Variants in ZFP64 observed in about 807,000 individuals in gnomAD.
The protein encoded by ZFP64 is ZFP64 zinc finger protein, also known as zinc finger protein 64.
ZFP64 carries 14 observed loss-of-function variants against 51.6 expected under a neutral mutation model. The ratio of observed to expected loss-of-function variants is 0.27; its 90% CI spans 0.18 to 0.42. ZFP64 has a LOEUF of 0.42. ZFP64 is among the 10% of genes least tolerant of loss of function. The pLI, the probability that ZFP64 is intolerant of heterozygous loss-of-function variation, is 1.00. For synonymous variants in ZFP64, 375 were observed against 361.4 expected, an observed-to-expected ratio of 1.04 and a Z score of -0.43; for missense variants, 754 against 906.8, an observed-to-expected ratio of 0.83 and a Z score of 2.16.
chr20:52,084,272 C>G (rs1251809078), exon 9 of ZFP64: 1 of 431,228 alleles, frequency 2.3e-6, no homozygotes, highest in Admixed American at 4.0e-5. Context: ...AAGCTATCCC[C>G]ATTGGATAGA....
intron 5 of ZFP64, chr20:52,111,135 G>A: frequency 4.1e-6 from 3 of 731,018 alleles, no homozygotes; most frequent in Non-Finnish European, 7.3e-6. Flanking sequence ...CAGCCACATC[G>A]CCGGGTTCCG....
rs57972458 is a variant in ZFP64 at position 52,182,388 on chromosome 20, G to A, written c.286+4444C>T. On this transcript the variant is annotated intron_variant, in intron 2 of 5. Transcript: ENST00000216923. Reference sequence around the variant, plus strand: ...GGCAAGATCCAATGGTCGCAGGGCCGTGTAAATGCTAAGAGGAGGGTGAAC... The same window carrying A: ...GGCAAGATCCAATGGTCGCAGGGCCATGTAAATGCTAAGAGGAGGGTGAAC... 4.1e-3 allele frequency among the ~76,000 whole-genome samples: 625 copies of A among 152,278 alleles called. 2 individuals are homozygous for A. Among genetic ancestry groups the A allele is most frequent in the African/African-American group, 0.014 (583 of 41,550 alleles).
chr20:52,105,221 T>G (rs1434278700), intron 5 of ZFP64: 2 of 1,359,534 alleles, frequency 1.5e-6, no homozygotes, highest in African/African-American at 3.0e-5. Context: ...GGGCTTGGCC[T>G]GCTTGCGCCG....
intron 2 of ZFP64, among the ~76,000 whole-genome samples, chr20:52,167,581 C>T (rs1202497545): frequency 7.1e-6 from 1 of 141,290 alleles, no homozygotes; most frequent in African/African-American, 2.6e-5. Flanking sequence ...TTCTTTCCTT[C>T]CTCTCCTCCT....
At chr20:52,134,083 A>G (rs1217697525) in intron 5 of ZFP64, among the ~76,000 whole-genome samples, 5 of 151,590 alleles carry the variant, frequency 3.3e-5, no homozygotes, top group Admixed American at 3.3e-4. Context: ...AGGAAATCAC[A>G]CACTCACCCC....
At chr20:52,111,178 C>T (rs1978551651) in intron 5 of ZFP64, 8 of 617,766 alleles carry the variant, frequency 1.3e-5, no homozygotes, top group East Asian at 5.5e-5. Flanking sequence ...TAGTGGAGAA[C>T]GCCCCAAGTC....
At chr20:52,095,939 G>A (rs181338830) in intron 7 of ZFP64, among the ~76,000 whole-genome samples, 9 of 152,266 alleles carry the variant, frequency 5.9e-5, no homozygotes, top group African/African-American at 1.9e-4. Context: ...GAGCTGCCTC[G>A]TCTTTCCTCA....
intron 6 of ZFP64, chr20:52,098,390 T>G: frequency 6.2e-7 from 1 of 1,602,326 alleles, no homozygotes; most frequent in South Asian, 1.1e-5. Context: ...GGCTTGCAGA[T>G]CAGTGCTTGG....
At chr20:52,137,536 A>G (rs1454720122) in intron 5 of ZFP64, among the ~76,000 whole-genome samples, 1 of 152,192 alleles carries the variant, frequency 6.6e-6, no homozygotes, top group Non-Finnish European at 1.5e-5. Context: ...ACTCCAACCA[A>G]ATGAAAATGA....
chr20:52,119,822 T>C (rs1392752378), intron 5 of ZFP64, among the ~76,000 whole-genome samples: 2 of 151,950 alleles, frequency 1.3e-5, no homozygotes, highest in Admixed American at 6.6e-5. Context: ...TGAGAAACCT[T>C]AGTCTGACTA....
At chr20:52,162,513 GCTA>G (rs1023365861) in intron 4 of ZFP64, among the ~76,000 whole-genome samples, 3 of 151,840 alleles carry the variant, frequency 2.0e-5, no homozygotes, top group African/African-American at 7.3e-5. Context: ...TGTAGTCCCA[GCTA>G]CTCGGGAGAA....
chr20:52,088,296 C>T (rs2122699748), intron 8 of ZFP64: 1 of 1,537,622 alleles, frequency 6.5e-7, no homozygotes, highest in South Asian at 1.2e-5. Context: ...ACTTCTACCA[C>T]ACCAAGTCAT....
intron 7 of ZFP64, among the ~76,000 whole-genome samples, chr20:52,093,459 G>C (rs541606836): frequency 6.6e-6 from 1 of 152,112 alleles, no homozygotes; most frequent in Non-Finnish European, 1.5e-5. Context: ...TTTTTATCTG[G>C]GGTCTGTGTA....
intron 5 of ZFP64, among the ~76,000 whole-genome samples, chr20:52,126,960 T>C (rs1979476514): frequency 7.0e-6 from 1 of 142,404 alleles, no homozygotes; most frequent in Non-Finnish European, 1.5e-5. Context: ...TTGTCAGAAT[T>C]TTTTTTTTTT....
chr20:52,130,196 G>T (rs1335090971), intron 5 of ZFP64, among the ~76,000 whole-genome samples: 1 of 151,424 alleles, frequency 6.6e-6, no homozygotes. Context: ...CACTGTATAT[G>T]GTGCCTACAA....
Position 52,152,864 on chromosome 20 carries a change from T to C in ZFP64, c.1328A>G (p.His443Arg). ...ACTGTACTCACTGTGCTGTCTCTTG[T>C]GGCTGCGGAGCGAGTCCTCCCGCAT... ...SFMREDSLRS[H>R]KRQHSEYSES... Residue 443 changes from histidine to arginine, a missense_variant, in exon 6 of 6, where the codon CAC (histidine) becomes CGC (arginine). His to Arg is a conservative substitution (Grantham distance 29). Transcript: ENST00000216923. 1 of 1,614,148 alleles carries C rather than the reference T, an allele frequency of 6.2e-7. No homozygotes were observed. The highest frequency in any genetic ancestry group is 8.5e-7 in the Non-Finnish European group (1 of 1,180,020).
intron 3 of ZFP64, chr20:52,165,660 A>C (rs1235747082): frequency 1.3e-6 from 1 of 754,124 alleles, no homozygotes; most frequent in African/African-American, 1.8e-5. Context: ...TGGCTAGAAA[A>C]GTCTTAGAAC....
chr20:52,142,517 G>T (rs1233982223), intron 5 of ZFP64, among the ~76,000 whole-genome samples: 1 of 151,682 alleles, frequency 6.6e-6, no homozygotes, highest in African/African-American at 2.4e-5. Flanking sequence ...AAAACTGCAT[G>T]CACTTGTATC....
intron 1 of ZFP64, among the ~76,000 whole-genome samples, chr20:52,188,608 C>CACCCGGCCG (rs201836015): frequency 0.023 from 3,495 of 151,744 alleles, 131 homozygotes; most frequent in African/African-American, 0.08. Flanking sequence ...TGAGCCACCG[C>CACCCGGCCG]ACCCGGCCGA....
Sources: allele counts gnomAD v4.1 joint callset (sites outside exome capture counted in the v4.1 genomes callset), GRCh38; gene constraint gnomAD v4.1.1; transcripts MANE v1.5; gene names NCBI Gene and HGNC (gene_info 2026-07-23, HGNC 2026-07-21).